Variants in CEP350 observed in about 807,000 individuals in gnomAD.
CEP350 encodes the protein centrosomal protein 350, also known as centrosome-associated protein 350.
In CEP350, 126 loss-of-function variants were observed where a neutral mutation model predicts 331.8. The ratio of observed to expected loss-of-function variants is 0.38; its 90% confidence interval spans 0.33 to 0.44. The LOEUF is 0.44. CEP350 is among the 20% of genes least tolerant of loss of function. The probability of loss-of-function intolerance (pLI) is 1.00; values close to 1 mark genes in which losing one functional copy is unlikely to be tolerated. For missense variants in CEP350, 3,406 were observed against 3,634.6 expected (o/e 0.94, Z 1.62); for synonymous variants, 1,200 against 1,259.5 (o/e 0.95, Z 1.00).
intron 1 of CEP350, among the ~76,000 whole-genome samples, chr1:179,976,632 C>A (rs111646475): frequency 0.017 from 2,491 of 145,178 alleles, 72 homozygotes; most frequent in African/African-American, 0.06. Context: ...ACAGCCTGGG[C>A]GACAGTGAGA....
At chr1:180,088,676 G>C (rs1660000588) in intron 32 of CEP350, among the ~76,000 whole-genome samples, 1 of 152,128 alleles carries the variant, frequency 6.6e-6, no homozygotes, top group Non-Finnish European at 1.5e-5. Flanking sequence ...TTTGAATCCT[G>C]GCTCCAGTTC....
intron 27 of CEP350, among the ~76,000 whole-genome samples, chr1:180,067,619 G>C (rs142677655): frequency 5.9e-5 from 9 of 152,306 alleles, no homozygotes; most frequent in African/African-American, 9.6e-5. Flanking sequence ...AACCTGGGAG[G>C]GGGAGGTTGC....
intron 11 of CEP350, among the ~76,000 whole-genome samples, chr1:180,018,248 C>G (rs1655094159): frequency 6.6e-6 from 1 of 152,040 alleles, no homozygotes; most frequent in African/African-American, 2.4e-5. Flanking sequence ...CTTCTGGCCT[C>G]AAGTGATTGA....
In CEP350 at chr1:180,075,202, C is replaced by T. The variant is rs41333945; in HGVS notation, c.5748C>T (p.Asp1916=). ...AAACTCCTAAGAAAGAACTGGAGGA[C>T]CAGAGAACAGAACAGAAAGGTAATA... is the stretch of plus-strand genomic sequence containing the variant. ...KPKTPKKELE[D]QRTEQKEIAS... is the part of the protein sequence containing the mutation. Residue 1916 remains aspartate, a synonymous_variant, in exon 28 of 38, where the codon GAC becomes GAT. Transcript: ENST00000367607. 1,331 of 1,611,808 alleles carry T rather than the reference C, an allele frequency of 8.3e-4. 12 individuals are homozygous for T. In the African/African-American group the frequency reaches 0.016, roughly 19 times the overall value.
In CEP350 at chr1:179,987,257, T is replaced by C; in HGVS notation, c.91T>C (p.Trp31Arg). Reference sequence around the variant, plus strand: ...TTTCCCAGCAGATATAACCACATCGTGGGATGCACTTTCTCAAACCAAGGC... The same window carrying C: ...TTTCCCAGCAGATATAACCACATCGCGGGATGCACTTTCTCAAACCAAGGC... ...DTVQADITTS[W>R]DALSQTKAAL... The change falls in exon 3 of 38, where the codon TGG becomes CGG. Residue 31 changes from tryptophan (W) to arginine (R), a missense_variant. This residue lies in a region of CEP350 where 1,857 missense variants were observed against 1,909.2 expected (regional missense o/e 0.97). Coordinates refer to ENST00000367607, the MANE Select transcript of CEP350 (RefSeq NM_014810.5). 1 of 1,562,584 alleles carries C rather than the reference T, an allele frequency of 6.4e-7. No homozygotes were observed. The highest frequency in any genetic ancestry group is 1.4e-5 in the African/African-American group (1 of 73,860).
Position 180,014,517 on chromosome 1 carries a change from G to C in CEP350, c.2052+12G>C. 6.3e-7 allele frequency: 1 copy of C among 1,577,260 alleles called. No homozygotes were observed. The highest frequency in any genetic ancestry group is 8.6e-7 in the Non-Finnish European group (1 of 1,165,892). On this transcript the variant is annotated intron_variant, in intron 10 of 37. Transcript: ENST00000367607. ...CGCAGGAAACACAGGTAATAGTAGT[G>C]ACATATACAAAGGAGAGTCATTCAT...
chr1:180,043,772 T>TTGTGTGTGTG (rs71118428), intron 20 of CEP350, among the ~76,000 whole-genome samples: 8 of 148,540 alleles, frequency 5.4e-5, no homozygotes, highest in African/African-American at 1.5e-4. Flanking sequence ...ATTACCATAT[T>TTGTGTGTGTG]TGTGTGTGTG....
At chr1:180,041,390 A>G in intron 18 of CEP350, 142 bp downstream of exon 18, 1 of 690,842 alleles carries the variant, frequency 1.4e-6, no homozygotes, top group South Asian at 2.4e-5. Context: ...GGATAATGCC[A>G]TGTAATTCGA....
At chr1:180,097,406 C>T (rs1660544540) in intron 36 of CEP350, among the ~76,000 whole-genome samples, 1 of 152,188 alleles carries the variant, frequency 6.6e-6, no homozygotes, top group South Asian at 2.1e-4. Flanking sequence ...ATTCCTTCTA[C>T]CCTTTCACAA....
rs766948968 is a variant in CEP350, at chr1:179,968,995, C to T, written c.-14+13853C>T. ...CACTAACCAGATCCAGGCAGCCTTCCGGGAGCCATGGCTTGTGGTGGTTTG... is the reference window on the plus strand; with the variant it reads ...CACTAACCAGATCCAGGCAGCCTTCTGGGAGCCATGGCTTGTGGTGGTTTG... On this transcript the variant is annotated intron_variant, in intron 1 of 37. Coordinates refer to ENST00000367607, the MANE Select transcript of CEP350 (RefSeq NM_014810.5). 37 of 756,610 alleles carry T rather than the reference C, an allele frequency of 4.9e-5. 1 individual carries two copies. Among genetic ancestry groups the T allele is most frequent in the South Asian group, 6.7e-5 (5 of 74,406 alleles). The allele number at this position is 756,610 out of a possible 1,614,324, so 46.9% of individuals were successfully genotyped here. A position where few individuals can be genotyped will look rare whatever the true frequency, so the allele number is the denominator to read the frequency against.
chr1:179,964,339 A>G (rs957448037), intron 1 of CEP350, among the ~76,000 whole-genome samples: 10 of 152,086 alleles, frequency 6.6e-5, no homozygotes, highest in African/African-American at 1.7e-4. Flanking sequence ...ATTATGTTGA[A>G]TAGGAGTCGT....
rs773883894 is a variant in CEP350, at chr1:180,014,455, A to G, written c.2002A>G (p.Lys668Glu). The change falls in exon 10 of 38, where the codon AAG (lysine) becomes GAG (glutamate). Residue 668 changes from lysine to glutamate, a missense_variant. By Grantham distance (56) the Lys-to-Glu change is moderately conservative (BLOSUM62 1). Coordinates refer to ENST00000367607, the MANE Select transcript of CEP350 (RefSeq NM_014810.5). ...QETYSKLLLEKTLLEEPSHQH... is the reference protein window; with the variant it reads ...QETYSKLLLEETLLEEPSHQH... ...AACTTACTCCAAATTGCTACTAGAA[A>G]AGACCTTGCTTGAAGAGCCATCTCA... 40 of 1,610,132 alleles carry G rather than the reference A, an allele frequency of 2.5e-5. No homozygotes were observed. Among genetic ancestry groups the G allele is most frequent in the Middle Eastern group, 3.3e-4 (2 of 6,078 alleles).
intron 5 of CEP350, 87 bp downstream of exon 5, chr1:179,992,308 A>T (rs1429747291): frequency 9.0e-7 from 1 of 1,106,694 alleles, no homozygotes; most frequent in East Asian, 3.2e-5. Context: ...TGAGTTTTTT[A>T]TAGCACTCTG....
In CEP350 at chr1:180,029,863, CTT is replaced by C. The variant is rs567815379; in HGVS notation, c.3551-1455_3551-1454del. 1.6e-3 allele frequency among the ~76,000 whole-genome samples: 243 copies of C among 152,234 alleles called. 1 individual carries two copies. The highest frequency in any genetic ancestry group is 5.7e-3 in the African/African-American group (238 of 41,554). On this transcript the variant is annotated intron_variant, in intron 14 of 37. Transcript: ENST00000367607. ...CCAGCACCTAGTGACAACTGTTTTA[CTT>C]TCTCTCTATGAATTTGCCTATTCTA... is the stretch of plus-strand genomic sequence containing the variant.
chr1:179,971,957 T>C (rs1280849626), intron 1 of CEP350, among the ~76,000 whole-genome samples: 1 of 152,216 alleles, frequency 6.6e-6, no homozygotes, highest in Non-Finnish European at 1.5e-5. Context: ...ACTGGTAGTA[T>C]AGATTATAAC....
intron 30 of CEP350, among the ~76,000 whole-genome samples, chr1:180,081,034 ATT>A (rs113533567): frequency 7.2e-6 from 1 of 139,540 alleles, no homozygotes; most frequent in Non-Finnish European, 1.6e-5. Context: ...TAATTTTTGT[ATT>A]TTTTTTTTTT....
At chr1:179,976,651 C>CA (rs559980758) in intron 1 of CEP350, among the ~76,000 whole-genome samples, 12,156 of 85,068 alleles carry the variant, frequency 0.14, 642 homozygotes, top group Middle Eastern at 0.27. Flanking sequence ...GACTCCATCT[C>CA]AAAAAAAAAA....
chr1:180,065,735 G>A (rs936149867), intron 27 of CEP350, among the ~76,000 whole-genome samples: 2 of 151,884 alleles, frequency 1.3e-5, no homozygotes, highest in African/African-American at 4.8e-5. Flanking sequence ...TCCAGCCAGG[G>A]TGACAGAGCT....
At chr1:180,091,910 G>A (rs552677659) in intron 33 of CEP350, among the ~76,000 whole-genome samples, 3 of 152,020 alleles carry the variant, frequency 2.0e-5, no homozygotes, top group Admixed American at 6.6e-5. Context: ...GATTTGGCCA[G>A]GCACAGTGGC....
Sources: allele counts gnomAD v4.1 joint callset (sites outside exome capture counted in the v4.1 genomes callset), GRCh38; gene constraint gnomAD v4.1.1; regional missense constraint gnomAD v4.1.1; transcripts MANE v1.5; gene names NCBI Gene and HGNC (gene_info 2026-07-23, HGNC 2026-07-21).